Variants in CWC27 observed in about 807,000 individuals in gnomAD.
The protein encoded by CWC27 is spliceosome-associated protein CWC27 homolog.
CWC27 carries 47 observed loss-of-function variants against 63.6 expected under a neutral mutation model. The observed-to-expected ratio is 0.74, with a 90% confidence interval of 0.58 to 0.94. CWC27 has a LOEUF of 0.94. CWC27 is among the 40% of genes least tolerant of loss of function. The probability of loss-of-function intolerance (pLI) is 0.00; values close to 1 mark genes in which losing one functional copy is unlikely to be tolerated. For synonymous variants in CWC27, 175 were observed against 179.8 expected (o/e 0.97, Z 0.22); for missense variants, 495 against 554.3 (o/e 0.89, Z 1.07).
chr5:64,951,503 T>C (rs1748708275), intron 11 of CWC27, among the ~76,000 whole-genome samples: 1 of 151,976 alleles, frequency 6.6e-6, no homozygotes, highest in Non-Finnish European at 1.5e-5. Context: ...TCAAAGTTCA[T>C]GTGCCATTCA....
chr5:64,881,950 A>G (rs962203946), intron 10 of CWC27, among the ~76,000 whole-genome samples: 1 of 152,228 alleles, frequency 6.6e-6, no homozygotes, highest in African/African-American at 2.4e-5. Context: ...AAGTAGCATA[A>G]TAAAAAGATA....
At chr5:64,899,802 A>AT (rs1215600120) in intron 11 of CWC27, among the ~76,000 whole-genome samples, 1 of 152,198 alleles carries the variant, frequency 6.6e-6, no homozygotes, top group Non-Finnish European at 1.5e-5. Flanking sequence ...AAGGCCCAAC[A>AT]TGTTCTCATG....
chr5:64,984,583 T>C (rs1003352438), intron 13 of CWC27, among the ~76,000 whole-genome samples: 1 of 152,244 alleles, frequency 6.6e-6, no homozygotes, highest in Non-Finnish European at 1.5e-5. Flanking sequence ...CGTACTTGCT[T>C]GCCTTCTGTA....
At chr5:64,838,264 A>G (rs1293514593) in intron 10 of CWC27, among the ~76,000 whole-genome samples, 1 of 152,162 alleles carries the variant, frequency 6.6e-6, no homozygotes, top group African/African-American at 2.4e-5. Flanking sequence ...TTAGTTAACC[A>G]AAGATCCGAT....
chr5:64,799,275 G>A (rs1021286442), intron 7 of CWC27, among the ~76,000 whole-genome samples: 1 of 152,078 alleles, frequency 6.6e-6, no homozygotes. Context: ...TTGAAGCACA[G>A]TGCCTAGCAC....
chr5:65,009,522 T>C (rs1421521035), intron 13 of CWC27, among the ~76,000 whole-genome samples: 1 of 152,178 alleles, frequency 6.6e-6, no homozygotes, highest in Non-Finnish European at 1.5e-5. Context: ...TAACTGCCAA[T>C]ATGATGGTAT....
intron 13 of CWC27, among the ~76,000 whole-genome samples, chr5:64,986,494 CTCT>C (rs549999651): frequency 6.5e-4 from 99 of 152,268 alleles, no homozygotes; most frequent in African/African-American, 2.1e-3. Context: ...TTGTGGTTTT[CTCT>C]TCTTCTAATC....
At chr5:64,928,112 G>A (rs1048604375) in intron 11 of CWC27, among the ~76,000 whole-genome samples, 9 of 150,936 alleles carry the variant, frequency 6.0e-5, no homozygotes, top group African/African-American at 9.7e-5. Context: ...CTGAGATCGC[G>A]CCATTGCACT....
intron 11 of CWC27, among the ~76,000 whole-genome samples, chr5:64,925,796 A>G (rs985808307): frequency 6.6e-6 from 1 of 152,174 alleles, no homozygotes; most frequent in African/African-American, 2.4e-5. Context: ...CCCCAGACAG[A>G]TTCCATATTC....
At chr5:64,843,442 T>A (rs1289947617) in intron 10 of CWC27, among the ~76,000 whole-genome samples, 2 of 152,204 alleles carry the variant, frequency 1.3e-5, no homozygotes, top group African/African-American at 4.8e-5. Context: ...TCTAATTAAC[T>A]CACATTGAGA....
chr5:64,970,853 G>A (rs979152634), intron 11 of CWC27, among the ~76,000 whole-genome samples: 1 of 151,994 alleles, frequency 6.6e-6, no homozygotes, highest in African/African-American at 2.4e-5. Flanking sequence ...ATAACAAAGA[G>A]ACAACTAACA....
chr5:64,926,545 A>G (rs1748111556), intron 11 of CWC27, among the ~76,000 whole-genome samples: 1 of 152,048 alleles, frequency 6.6e-6, no homozygotes, highest in Non-Finnish European at 1.5e-5. Flanking sequence ...GAAAGTATCT[A>G]TTCTCCTTCC....
chr5:64,810,551 T>A (rs1744845532), intron 10 of CWC27, among the ~76,000 whole-genome samples: 1 of 152,172 alleles, frequency 6.6e-6, no homozygotes, highest in Non-Finnish European at 1.5e-5. Context: ...TTTCCATTTA[T>A]TTGTGCCTTC....
At chr5:64,943,223 C>CTG (rs35233765) in intron 11 of CWC27, among the ~76,000 whole-genome samples, 26,030 of 152,002 alleles carry the variant, frequency 0.17, 2,337 homozygotes, top group Admixed American at 0.28. Flanking sequence ...GATCACGGCC[C>CTG]TGTGTGTGTT....
chr5:64,823,917 T>C (rs1448310090), intron 10 of CWC27, among the ~76,000 whole-genome samples: 1 of 152,202 alleles, frequency 6.6e-6, no homozygotes, highest in East Asian at 1.9e-4. Context: ...TGTTTAATTT[T>C]GAATGTTTAT....
chr5:64,984,374 T>C (rs192851553), intron 13 of CWC27, among the ~76,000 whole-genome samples: 28 of 152,322 alleles, frequency 1.8e-4, no homozygotes, highest in African/African-American at 6.7e-4. Context: ...TTGTTGATGT[T>C]ATGTGCATCA....
intron 10 of CWC27, among the ~76,000 whole-genome samples, chr5:64,862,549 A>T (rs1746435458): frequency 6.6e-6 from 1 of 152,184 alleles, no homozygotes; most frequent in African/African-American, 2.4e-5. Context: ...ATATAACCAT[A>T]CTAAAATTCA....
intron 7 of CWC27, among the ~76,000 whole-genome samples, chr5:64,790,355 ATCT>A (rs1434739249): frequency 3.3e-5 from 5 of 152,196 alleles, no homozygotes; most frequent in African/African-American, 9.6e-5. Context: ...CTGAAGAGTC[ATCT>A]TCTTTAGATG....
chr5:64,929,782 T>C (rs1005435278), intron 11 of CWC27, among the ~76,000 whole-genome samples: 1 of 151,908 alleles, frequency 6.6e-6, no homozygotes, highest in African/African-American at 2.4e-5. Context: ...TGTAAAATGG[T>C]ACAACTGCTT....
Sources: gnomAD v4.1 joint callset for allele counts (sites outside exome capture counted in the v4.1 genomes callset) on GRCh38, gnomAD v4.1.1 for gene constraint, MANE v1.5 for transcripts, NCBI Gene and HGNC (gene_info 2026-07-23, HGNC 2026-07-21) for gene names.